The following ODR4 variants were observed in gnomAD, a reference collection of about 807,000 sequenced individuals.
ODR4 encodes the protein odr-4 GPCR localization factor homolog.
In ODR4, 47 loss-of-function variants were observed where a neutral mutation model predicts 60.2. The observed-to-expected ratio is 0.78, with a 90% CI of 0.62 to 1.00. ODR4 has a LOEUF of 1.00. ODR4 is among the 50% of genes least tolerant of loss of function. The pLI, the probability that ODR4 is intolerant of heterozygous loss-of-function variation, is 0.00. For synonymous variants in ODR4, 178 were observed against 175.5 expected (o/e 1.01, Z -0.11); for missense variants, 488 against 530.8 (o/e 0.92, Z 0.79).
In ODR4 at chr1:186,375,866, C is replaced by T. The variant is rs1659729595; in HGVS notation, c.-128C>T. 9.5e-6 allele frequency: 2 copies of T among 209,596 alleles called. No individual in the cohort carries two copies. The highest frequency in any genetic ancestry group is 4.7e-5 in the Admixed American group (1 of 21,376). 13.0% of individuals were successfully genotyped at this position (209,596 alleles called of 1,614,324 possible). ...GAATTCAGTGGCAGTGAATTGAGACCGGAGGGAATCTGGCCCCTAGAGGCT... is the reference window on the plus strand; with the variant it reads ...GAATTCAGTGGCAGTGAATTGAGACTGGAGGGAATCTGGCCCCTAGAGGCT... On this transcript the variant is annotated 5_prime_UTR_variant, in exon 1 of 14. Transcript: ENST00000287859.
chr1:186,404,407 T>C (rs902451339), intron 11 of ODR4, among the ~76,000 whole-genome samples: 5 of 152,140 alleles, frequency 3.3e-5, no homozygotes, highest in Admixed American at 3.3e-4. Flanking sequence ...TAACGTTTGA[T>C]TTTTTTAGCT....
At chr1:186,381,326 T>A (rs1420209402) in intron 2 of ODR4, among the ~76,000 whole-genome samples, 1 of 151,852 alleles carries the variant, frequency 6.6e-6, no homozygotes, top group East Asian at 1.9e-4. Flanking sequence ...ATTTAAGGCC[T>A]TCCTTCTTTT....
intron 3 of ODR4, among the ~76,000 whole-genome samples, chr1:186,384,322 A>C (rs1242269036): frequency 1.3e-5 from 2 of 151,830 alleles, no homozygotes; most frequent in Admixed American, 6.6e-5. Flanking sequence ...CTCTCGTAGG[A>C]ACAAATATAG....
intron 11 of ODR4, chr1:186,401,488 CTT>C: frequency 4.9e-6 from 1 of 206,054 alleles, no homozygotes; most frequent in Non-Finnish European, 1.1e-5. Context: ...TTCTTTCTCT[CTT>C]TCTTTCTTTC....
intron 1 of ODR4, among the ~76,000 whole-genome samples, chr1:186,376,575 A>G (rs149017918): frequency 3.6e-4 from 55 of 152,284 alleles, no homozygotes; most frequent in East Asian, 3.1e-3. Context: ...TTACTTTTGA[A>G]TCATGTTGTG....
chr1:186,413,435 A>C (rs530599478), intron 12 of ODR4, among the ~76,000 whole-genome samples: 79 of 152,164 alleles, frequency 5.2e-4, no homozygotes, highest in Non-Finnish European at 1.0e-3. Flanking sequence ...CATACTTTTA[A>C]ATGACTTAAG....
At chr1:186,429,526 C>CA in the ODR4 span, among the ~76,000 whole-genome samples, 117 of 151,510 alleles carry the variant, frequency 7.7e-4, no homozygotes, top group African/African-American at 2.7e-3. Flanking sequence ...ATAGTTACTA[C>CA]AAAAAAAAAT....
chr1:186,389,841 G>A (rs775861352), intron 6 of ODR4, among the ~76,000 whole-genome samples: 1 of 152,228 alleles, frequency 6.6e-6, no homozygotes, highest in Non-Finnish European at 1.5e-5. Context: ...AAGCTAGAGT[G>A]CAGTGATGCA....
chr1:186,388,392 CT>C lies in ODR4; in HGVS notation c.331-41del. The C allele has an allele frequency of 4.8e-6, 5 of 1,031,860 alleles. No individual in the cohort carries two copies. The Admixed American group carries it at 9.8e-5, about 20-fold the overall frequency. The allele number at this position is 1,031,860 out of a possible 1,614,324, so 63.9% of individuals were successfully genotyped here. A position where few individuals can be genotyped will look rare whatever the true frequency, so the allele number is the denominator to read the frequency against. ...TATAATTGCCTATTTCAACACTCAT[CT>C]TTTTTTTTCATTTTACATTCAATTA... On this transcript the variant is annotated intron_variant, in intron 4 of 13. Coordinates refer to ENST00000287859, the MANE Select transcript of ODR4 (RefSeq NM_017847.6).
downstream of ODR4, among the ~76,000 whole-genome samples, chr1:186,423,299 G>C (rs1415201044): frequency 6.6e-6 from 1 of 151,972 alleles, no homozygotes; most frequent in East Asian, 1.9e-4. Context: ...TAGGAGAAAA[G>C]AAAATTACAG....
At chr1:186,412,842 T>C (rs1461808935) in intron 12 of ODR4, among the ~76,000 whole-genome samples, 1 of 152,092 alleles carries the variant, frequency 6.6e-6, no homozygotes, top group African/African-American at 2.4e-5. Flanking sequence ...AAGAGATATA[T>C]AAATGGAGGA....
chr1:186,424,867 A>C (rs1661857860), downstream of ODR4, among the ~76,000 whole-genome samples: 1 of 151,968 alleles, frequency 6.6e-6, no homozygotes, highest in Admixed American at 6.6e-5. Context: ...AAGAAGAGGA[A>C]AGTAGAAGCT....
chr1:186,402,231 T>TTTCC (rs1661005243), intron 11 of ODR4, among the ~76,000 whole-genome samples: 2 of 149,466 alleles, frequency 1.3e-5, no homozygotes, highest in African/African-American at 5.0e-5. Context: ...TCTTTCTTTC[T>TTTCC]TTCCTTTCTT....
At chr1:186,406,909 A>G (rs554840428) in intron 12 of ODR4, among the ~76,000 whole-genome samples, 29 of 152,216 alleles carry the variant, frequency 1.9e-4, no homozygotes, top group African/African-American at 6.3e-4. Flanking sequence ...GTGTATGAAA[A>G]CATGTCTATA....
At chr1:186,421,699 C>T (rs958531526), downstream of ODR4, among the ~76,000 whole-genome samples, 1 of 151,676 alleles carries the variant, frequency 6.6e-6, no homozygotes, top group African/African-American at 2.4e-5. Flanking sequence ...TCCCGTTCTA[C>T]CAAAATACAC....
intron 11 of ODR4, chr1:186,400,455 T>G (rs1288811356): frequency 6.6e-6 from 1 of 152,114 alleles, no homozygotes; most frequent in East Asian, 1.9e-4. Flanking sequence ...AATTTTTGTA[T>G]TTTTAGTAGA....
At chr1:186,378,231 C>T (rs1369723834) in intron 1 of ODR4, among the ~76,000 whole-genome samples, 1 of 152,082 alleles carries the variant, frequency 6.6e-6, no homozygotes, top group East Asian at 1.9e-4. Context: ...TCAGATATAC[C>T]ACCCCAGCAT....
intron 3 of ODR4, 90 bp from the exon 4 acceptor site, chr1:186,385,898 G>A: frequency 1.3e-6 from 1 of 754,844 alleles, no homozygotes; most frequent in East Asian, 2.9e-5. Context: ...AAGGTGAAAA[G>A]CTAAGGACAT....
Position 186,388,424 on chromosome 1 carries a change from T to C in ODR4, c.331-18T>C. On this transcript the variant is annotated intron_variant, in intron 4 of 13. Coordinates refer to ENST00000287859, the MANE Select transcript of ODR4 (RefSeq NM_017847.6). ...TTTCATTTTACATTCAATTAGTGTG[T>C]ATTTTTCTCTCTTTCAGCTAATGTT... 2 of 1,402,778 alleles carry C rather than the reference T, an allele frequency of 1.4e-6. No homozygotes were observed. The highest frequency in any genetic ancestry group is 1.9e-6 in the Non-Finnish European group (2 of 1,032,380). 86.9% of individuals were successfully genotyped at this position (1,402,778 alleles called of 1,614,324 possible). A position where few individuals can be genotyped will look rare whatever the true frequency, so the allele number is the denominator to read the frequency against.
Sources: gnomAD v4.1 joint callset for allele counts (sites outside exome capture counted in the v4.1 genomes callset) on GRCh38, gnomAD v4.1.1 for gene constraint, MANE v1.5 for transcripts, NCBI Gene and HGNC (gene_info 2026-07-23, HGNC 2026-07-21) for gene names.